Variants in NRXN3 observed in about 807,000 individuals in gnomAD.
NRXN3 encodes the protein neurexin III.
In NRXN3, 32 loss-of-function variants were observed where a neutral mutation model predicts 137.6. That is an observed-to-expected ratio of 0.23 (90% CI 0.18 to 0.31). NRXN3 has a LOEUF of 0.31. NRXN3 is among the 10% of genes least tolerant of loss of function. The pLI, the probability that NRXN3 is intolerant of heterozygous loss-of-function variation, is 1.00. For synonymous variants in NRXN3, 798 were observed against 784.5 expected, an observed-to-expected ratio of 1.02 and a Z score of -0.29; for missense variants, 1,574 against 2,062.5, an observed-to-expected ratio of 0.76 and a Z score of 4.59.
At position 79,497,387 on chromosome 14, in the gene NRXN3, C is replaced by T. The variant is rs1015513023; in HGVS notation, c.3444+29985C>T. On this transcript the variant is annotated intron_variant, in intron 16 of 20. Transcript: ENST00000335750. ...GACCTGAGTGTCCCATCCCAGATAC[C>T]GTTGTATGGCCCTTCCACTCAATCC... is the stretch of plus-strand genomic sequence containing the variant. Among the ~76,000 whole-genome samples the T allele has an allele frequency of 3.9e-5, 6 of 152,204 alleles. No individual in the cohort carries two copies. In the South Asian group the frequency reaches 8.3e-4, roughly 21 times the overall value.
chr14:79,210,833 T>A (rs771602968), intron 15 of NRXN3, among the ~76,000 whole-genome samples: 1 of 152,146 alleles, frequency 6.6e-6, no homozygotes, highest in African/African-American at 2.4e-5. Context: ...CTCTTCGTAG[T>A]ATTTGGTGGG....
chr14:79,363,933 A>G (rs1418842824), intron 15 of NRXN3, among the ~76,000 whole-genome samples: 1 of 152,168 alleles, frequency 6.6e-6, no homozygotes, highest in Non-Finnish European at 1.5e-5. Context: ...ATGGTGAGCT[A>G]GCACCTATCA....
At chr14:79,661,800 T>A (rs1004022118) in intron 16 of NRXN3, 1 of 147,858 alleles carries the variant, frequency 6.8e-6, no homozygotes, top group African/African-American at 2.5e-5. Flanking sequence ...AAAAAAATAA[T>A]AGAAGATAAC....
intron 19 of NRXN3, among the ~76,000 whole-genome samples, chr14:79,698,772 T>C (rs1219120705): frequency 6.6e-6 from 1 of 151,994 alleles, no homozygotes; most frequent in Non-Finnish European, 1.5e-5. Flanking sequence ...CTATCCTAGT[T>C]AGTGTTTATA....
At chr14:79,770,537 C>T (rs1279637218) in intron 19 of NRXN3, among the ~76,000 whole-genome samples, 8 of 144,012 alleles carry the variant, frequency 5.6e-5, no homozygotes, top group East Asian at 4.0e-4. Flanking sequence ...GGGTACATAA[C>T]GAAATGAAGG....
intron 4 of NRXN3, among the ~76,000 whole-genome samples, chr14:78,506,206 G>T (rs1417606722): frequency 6.6e-6 from 1 of 152,112 alleles, no homozygotes; most frequent in Non-Finnish European, 1.5e-5. Context: ...TCATATAAAT[G>T]GAACCCTGTA....
intron 10 of NRXN3, among the ~76,000 whole-genome samples, chr14:78,952,068 G>A (rs2099388166): frequency 6.6e-6 from 1 of 152,064 alleles, no homozygotes. Context: ...ACACCTCCCT[G>A]GGAGACTTCT....
intron 16 of NRXN3, among the ~76,000 whole-genome samples, chr14:79,533,878 A>C (rs2097190080): frequency 6.6e-6 from 1 of 152,264 alleles, no homozygotes; most frequent in Admixed American, 6.5e-5. Flanking sequence ...AAACAGCTCA[A>C]GTAAAAACGC....
rs1231131469 is a variant in NRXN3 at position 79,554,625 on chromosome 14, C to G, written c.3444+87223C>G. On this transcript the variant is annotated intron_variant, in intron 16 of 20. Transcript: ENST00000335750. ...GCAAGAGCTGTCAAACAGCAGCCAT[C>G]CTGATGAGAAAGTGAAGAAAGCCAG... 2.0e-5 allele frequency among the ~76,000 whole-genome samples: 3 copies of G among 152,226 alleles called. No individual in the cohort carries two copies. The East Asian group carries it at 5.8e-4, about 29-fold the overall frequency.
chr14:79,257,987 C>G (rs1212702217), intron 15 of NRXN3, among the ~76,000 whole-genome samples: 1 of 152,010 alleles, frequency 6.6e-6, no homozygotes, highest in Non-Finnish European at 1.5e-5. Flanking sequence ...TTTGTTATCT[C>G]TTTGAATCCC....
At position 79,441,423 on chromosome 14, in the gene NRXN3, A is replaced by C. The variant is rs2095949356; in HGVS notation, c.3263-25798A>C. 3.5e-5 allele frequency among the ~76,000 whole-genome samples: 4 copies of C among 114,802 alleles called. 1 individual carries two copies. The South Asian group carries it at 1.2e-3, about 35-fold the overall frequency. 75.3% of individuals were successfully genotyped at this position (114,802 alleles called of 152,430 possible). On this transcript the variant is annotated intron_variant, in intron 15 of 20. Transcript: ENST00000335750. The stretch of plus-strand genomic sequence containing the variant: ...GAGACGGAGTCTCGCTCTGTTGTCC[A>C]GGCTGGAGTGCAGTGGTGCGATCTT...
At chr14:78,398,214 CAAAAAAAAA>C (rs55841376) in intron 4 of NRXN3, among the ~76,000 whole-genome samples, 40 of 128,206 alleles carry the variant, frequency 3.1e-4, no homozygotes, top group Middle Eastern at 3.8e-3. Flanking sequence ...AACTCTGTTT[CAAAAAAAAA>C]AAAAAAAAAA....
chr14:79,003,225 G>A (rs762261442), intron 15 of NRXN3, among the ~76,000 whole-genome samples: 25 of 152,014 alleles, frequency 1.6e-4, no homozygotes, highest in Non-Finnish European at 3.1e-4. Context: ...CCTAATTTTG[G>A]TTCTTGCCTG....
intron 15 of NRXN3, among the ~76,000 whole-genome samples, chr14:79,099,393 A>T (rs920553278): frequency 6.6e-6 from 1 of 152,154 alleles, no homozygotes; most frequent in Non-Finnish European, 1.5e-5. Flanking sequence ...TACAATTTAT[A>T]ACTTAAAGCA....
At chr14:78,916,770 T>C (rs1161447667) in intron 10 of NRXN3, among the ~76,000 whole-genome samples, 5 of 152,184 alleles carry the variant, frequency 3.3e-5, no homozygotes, top group Admixed American at 3.3e-4. Flanking sequence ...ACTTAAACAA[T>C]AGAAATTTAT....
At chr14:78,859,906 C>G (rs562048451) in intron 10 of NRXN3, among the ~76,000 whole-genome samples, 1 of 152,244 alleles carries the variant, frequency 6.6e-6, no homozygotes, top group South Asian at 2.1e-4. Context: ...TCAGTGAAGA[C>G]TCCTACTTGC....
chr14:79,264,052 G>T (rs1225591830), intron 15 of NRXN3, among the ~76,000 whole-genome samples: 1 of 152,106 alleles, frequency 6.6e-6, no homozygotes, highest in Non-Finnish European at 1.5e-5. Flanking sequence ...ACTACAGAAT[G>T]TGTAGCTTAA....
At chr14:79,626,236 G>C (rs2098280230) in intron 16 of NRXN3, among the ~76,000 whole-genome samples, 5 of 152,000 alleles carry the variant, frequency 3.3e-5, no homozygotes. Flanking sequence ...TTCTCCTTTA[G>C]GGGGTCTTTA....
chr14:78,775,072 C>T (rs575758454), intron 8 of NRXN3, among the ~76,000 whole-genome samples: 1 of 152,254 alleles, frequency 6.6e-6, no homozygotes, highest in South Asian at 2.1e-4. Context: ...TGTATCTATC[C>T]TGAAGGTATT....
Sources: gnomAD v4.1 joint callset for allele counts (sites outside exome capture counted in the v4.1 genomes callset) on GRCh38, gnomAD v4.1.1 for gene constraint, MANE v1.5 for transcripts, NCBI Gene and HGNC (gene_info 2026-07-23, HGNC 2026-07-21) for gene names.